Variants in ARB2A observed in about 807,000 individuals in gnomAD.
ARB2A encodes ARB2 cotranscriptional regulator A, also known as cotranscriptional regulator ARB2A.
chr5:93,654,865 G>C, the ARB2A span, among the ~76,000 whole-genome samples: 1 of 152,316 alleles, frequency 6.6e-6, no homozygotes. Context: ...TCACTGACAT[G>C]TTAGTCATAG....
At chr5:93,889,816 A>AC in the ARB2A span, among the ~76,000 whole-genome samples, 1 of 151,324 alleles carries the variant, frequency 6.6e-6, no homozygotes, top group Non-Finnish European at 1.5e-5. Flanking sequence ...ATTCAGGAAA[A>AC]AAGTCATAAA....
At chr5:94,033,553 T>C in the ARB2A span, among the ~76,000 whole-genome samples, 2 of 152,096 alleles carry the variant, frequency 1.3e-5, no homozygotes, top group Admixed American at 6.6e-5. Context: ...GCCTCCCGAG[T>C]AGCTGGGATT....
chr5:93,942,994 A>G, the ARB2A span, among the ~76,000 whole-genome samples: 5 of 152,136 alleles, frequency 3.3e-5, no homozygotes, highest in Non-Finnish European at 7.4e-5. Flanking sequence ...GTCTTCCATG[A>G]TATGAATATG....
the ARB2A span, among the ~76,000 whole-genome samples, chr5:93,784,861 G>A: frequency 3.3e-5 from 5 of 152,108 alleles, no homozygotes; most frequent in Admixed American, 3.3e-4. Context: ...TAGTACCCGG[G>A]GTTCACTGTT....
the ARB2A span, among the ~76,000 whole-genome samples, chr5:94,041,269 C>T: frequency 6.6e-6 from 1 of 151,858 alleles, no homozygotes; most frequent in Non-Finnish European, 1.5e-5. Flanking sequence ...ATGAGGGACA[C>T]ATTAGGATAG....
chr5:93,797,473 T>C, the ARB2A span, among the ~76,000 whole-genome samples: 28 of 152,248 alleles, frequency 1.8e-4, no homozygotes, highest in East Asian at 3.9e-3. Context: ...TCAGTATTTA[T>C]TATGGTAGGA....
chr5:93,760,961 G>C, the ARB2A span, among the ~76,000 whole-genome samples: 1 of 152,172 alleles, frequency 6.6e-6, no homozygotes, highest in Non-Finnish European at 1.5e-5. Flanking sequence ...AGAGTAAACA[G>C]ACAACCCACA....
chr5:93,917,864 T>C, the ARB2A span, among the ~76,000 whole-genome samples: 1 of 151,942 alleles, frequency 6.6e-6, no homozygotes, highest in African/African-American at 2.4e-5. Flanking sequence ...AATAACAGAG[T>C]CAAACCCTGT....
At chr5:94,011,936 C>CAAAAAAAAAAAAAAAAAAAAAA in the ARB2A span, among the ~76,000 whole-genome samples, 1 of 30,182 alleles carries the variant, frequency 3.3e-5, no homozygotes, top group Non-Finnish European at 6.4e-5. Flanking sequence ...AAAGGGTAGA[C>CAAAAAAAAAAAAAAAAAAAAAA]AAAAAAAAAA....
At chr5:93,801,369 T>G in the ARB2A span, among the ~76,000 whole-genome samples, 3 of 151,998 alleles carry the variant, frequency 2.0e-5, no homozygotes, top group Non-Finnish European at 4.4e-5. Context: ...CAGCCTAGAG[T>G]TCTCTAAATT....
chr5:94,087,489 A>C, the ARB2A span, among the ~76,000 whole-genome samples: 1,564 of 152,344 alleles, frequency 0.01, 12 homozygotes, highest in Non-Finnish European at 0.017. Flanking sequence ...AGTTGTATAT[A>C]TTTCATGTAG....
At chr5:93,853,062 CATG>C in the ARB2A span, among the ~76,000 whole-genome samples, 7 of 152,292 alleles carry the variant, frequency 4.6e-5, no homozygotes, top group East Asian at 1.9e-4. Context: ...TGGCCATTTT[CATG>C]ATATTGATTC....
the ARB2A span, among the ~76,000 whole-genome samples, chr5:93,710,383 G>T: frequency 6.6e-6 from 1 of 152,092 alleles, no homozygotes; most frequent in Non-Finnish European, 1.5e-5. Context: ...AATCAGTTGG[G>T]GTTTGAATTT....
At chr5:94,088,230 T>A in the ARB2A span, among the ~76,000 whole-genome samples, 1 of 152,184 alleles carries the variant, frequency 6.6e-6, no homozygotes, top group Admixed American at 6.5e-5. Flanking sequence ...CCCAATTGAT[T>A]CCTTGCCTGT....
the ARB2A span, among the ~76,000 whole-genome samples, chr5:93,768,983 CA>C: frequency 6.6e-6 from 1 of 151,828 alleles, no homozygotes; most frequent in Admixed American, 6.6e-5. Flanking sequence ...AAAACAAAAA[CA>C]ATATAACTAT....
chr5:93,938,844 C>T, the ARB2A span, among the ~76,000 whole-genome samples: 1 of 152,148 alleles, frequency 6.6e-6, no homozygotes, highest in Non-Finnish European at 1.5e-5. Flanking sequence ...TATTTGACTT[C>T]TTTAAGTTTT....
the ARB2A span, among the ~76,000 whole-genome samples, chr5:93,753,770 A>G: frequency 3.3e-5 from 5 of 152,230 alleles, no homozygotes; most frequent in Non-Finnish European, 7.3e-5. Flanking sequence ...TAGTAGGGGC[A>G]AGGAATAATG....
At chr5:93,672,736 T>A in the ARB2A span, among the ~76,000 whole-genome samples, 1 of 152,186 alleles carries the variant, frequency 6.6e-6, no homozygotes, top group Non-Finnish European at 1.5e-5. Flanking sequence ...GTGCTTAAAT[T>A]TGAAGAAAAT....
chr5:93,630,204 A>C, the ARB2A span, among the ~76,000 whole-genome samples: 1 of 152,224 alleles, frequency 6.6e-6, no homozygotes, highest in African/African-American at 2.4e-5. Context: ...ATTTGCACAA[A>C]GAAGGGCTTC....
Sources: allele counts gnomAD v4.1 joint callset (sites outside exome capture counted in the v4.1 genomes callset), GRCh38; gene constraint gnomAD v4.1.1; transcripts MANE v1.5; gene names NCBI Gene and HGNC (gene_info 2026-07-23, HGNC 2026-07-21).